Variants in PDSS2 observed in about 807,000 individuals in gnomAD.
PDSS2 encodes the protein decaprenyl diphosphate synthase subunit 2.
PDSS2 carries 31 observed loss-of-function variants against 44.5 expected under a neutral mutation model. That is an observed-to-expected ratio of 0.70 (90% CI 0.52 to 0.94). The LOEUF is 0.94. Ranked by LOEUF, PDSS2 falls within the 40% of genes least tolerant of loss-of-function variation. PDSS2 has a pLI of 0.00. For synonymous variants in PDSS2, 157 were observed against 180.3 expected (o/e 0.87, Z 1.03); for missense variants, 452 against 482.2 (o/e 0.94, Z 0.59).
In PDSS2 at chr6:107,207,989, T is replaced by TTTTTTTG. The variant is rs1562375566; in HGVS notation, c.1008+2449_1008+2450insCAAAAAA. Among the ~76,000 whole-genome samples, 9 of 94,048 alleles carry TTTTTTTG rather than the reference T, an allele frequency of 9.6e-5. No homozygotes were observed. In the East Asian group the frequency reaches 2.4e-3, roughly 25 times the overall value. The allele number at this position is 94,048 out of a possible 152,430, so 61.7% of individuals were successfully genotyped here. ...TCTGTCTATGACTTGTTTTTTTTTT[T>TTTTTTTG]TTTTTTTTTTTTATGAAACAGAGTT... On this transcript the variant is annotated intron_variant, in intron 6 of 7. Transcript: ENST00000369037.
chr6:107,448,331 T>G (rs970356675), intron 1 of PDSS2, among the ~76,000 whole-genome samples: 5 of 152,144 alleles, frequency 3.3e-5, no homozygotes, highest in African/African-American at 1.2e-4. Flanking sequence ...AACTTTTATG[T>G]TCTGTCACCT....
chr6:107,160,825 G>A (rs1771099713), intron 7 of PDSS2, among the ~76,000 whole-genome samples: 1 of 151,830 alleles, frequency 6.6e-6, no homozygotes. Context: ...ACTGCAACCT[G>A]TGCCTCCCAA....
At chr6:107,248,243 A>AGGAGT (rs1445004442) in intron 3 of PDSS2, among the ~76,000 whole-genome samples, 1 of 152,110 alleles carries the variant, frequency 6.6e-6, no homozygotes, top group African/African-American at 2.4e-5. Flanking sequence ...CAGATTCTTG[A>AGGAGT]GGAGTGACAT....
intron 1 of PDSS2, among the ~76,000 whole-genome samples, chr6:107,367,174 A>T (rs561733797): frequency 6.6e-6 from 1 of 152,200 alleles, no homozygotes; most frequent in Non-Finnish European, 1.5e-5. Context: ...AAATCAAGTA[A>T]TGTCAAAGCA....
chr6:107,415,674 C>T (rs570946668), intron 1 of PDSS2, among the ~76,000 whole-genome samples: 2 of 152,294 alleles, frequency 1.3e-5, no homozygotes, highest in South Asian at 2.1e-4. Flanking sequence ...TATCCCTACA[C>T]CTACACCTTA....
At chr6:107,403,061 A>C (rs1484597737) in intron 1 of PDSS2, among the ~76,000 whole-genome samples, 2 of 152,208 alleles carry the variant, frequency 1.3e-5, no homozygotes, top group African/African-American at 4.8e-5. Flanking sequence ...ATCCGAGACA[A>C]GGCAAGTCCC....
Position 107,212,138 on chromosome 6 carries a change from A to G in PDSS2, c.847T>C (p.Tyr283His). 5.0e-6 allele frequency: 8 copies of G among 1,614,132 alleles called. No homozygotes were observed. The highest frequency in any genetic ancestry group is 6.8e-6 in the Non-Finnish European group (8 of 1,179,982). Reference protein sequence around the residue: ...DAEVQNMAFQYGKHMAMSHKI... With the variant: ...DAEVQNMAFQHGKHMAMSHKI... ...TGACTCATGGCCATGTGCTTCCCAT[A>G]CTGAAATGCCATATTCTGAACCTCA... The change falls in exon 5 of 8, where the codon TAT becomes CAT. Residue 283 changes from tyrosine to histidine, a missense_variant. By Grantham distance (83) the Tyr-to-His change is moderately conservative. Coordinates refer to ENST00000369037, the MANE Select transcript of PDSS2 (RefSeq NM_020381.4).
intron 2 of PDSS2, among the ~76,000 whole-genome samples, chr6:107,306,890 G>GTTAAGT (rs1244473494): frequency 2.6e-5 from 4 of 152,124 alleles, no homozygotes; most frequent in East Asian, 1.9e-4. Context: ...TGCAAAAGAC[G>GTTAAGT]TTAAGTTTGC....
intron 3 of PDSS2, among the ~76,000 whole-genome samples, chr6:107,268,177 G>A (rs773460483): frequency 6.6e-6 from 1 of 152,038 alleles, no homozygotes; most frequent in Non-Finnish European, 1.5e-5. Context: ...TTCCCTTACA[G>A]CTAGGTATGG....
chr6:107,396,932 T>C (rs1054712262), intron 1 of PDSS2, among the ~76,000 whole-genome samples: 4 of 152,044 alleles, frequency 2.6e-5, no homozygotes, highest in African/African-American at 9.7e-5. Flanking sequence ...GCTCAAGTGA[T>C]CCTCCCACCT....
chr6:107,165,088 G>C (rs200350704), intron 7 of PDSS2, among the ~76,000 whole-genome samples: 2,849 of 152,106 alleles, frequency 0.019, 88 homozygotes, highest in African/African-American at 0.066. Flanking sequence ...GAGTAGATTG[G>C]AAAAATTTTC....
At chr6:107,176,511 C>G (rs553065716) in intron 7 of PDSS2, among the ~76,000 whole-genome samples, 2 of 152,012 alleles carry the variant, frequency 1.3e-5, no homozygotes, top group African/African-American at 4.8e-5. Flanking sequence ...CCACGTTTAT[C>G]AATTTTACTG....
chr6:107,428,720 C>T (rs1781080332), intron 1 of PDSS2, among the ~76,000 whole-genome samples: 1 of 152,030 alleles, frequency 6.6e-6, no homozygotes, highest in Middle Eastern at 3.4e-3. Flanking sequence ...ACCTATAGTC[C>T]CAGCTACTCC....
chr6:107,358,739 C>T (rs1307559366), intron 1 of PDSS2, among the ~76,000 whole-genome samples: 1 of 152,034 alleles, frequency 6.6e-6, no homozygotes, highest in Non-Finnish European at 1.5e-5. Context: ...GCATTTTGAA[C>T]TGGAACTTTG....
At chr6:107,388,249 T>G (rs1242942963) in intron 1 of PDSS2, among the ~76,000 whole-genome samples, 1 of 152,174 alleles carries the variant, frequency 6.6e-6, no homozygotes, top group Non-Finnish European at 1.5e-5. Context: ...TATTAAAAAT[T>G]ATACCAGGCA....
intron 2 of PDSS2, among the ~76,000 whole-genome samples, chr6:107,277,843 G>A (rs1175580934): frequency 2.0e-5 from 3 of 151,858 alleles, no homozygotes; most frequent in Non-Finnish European, 4.4e-5. Context: ...TAATTTTTGG[G>A]AGCTACTTGG....
chr6:107,454,174 T>G (rs1305565108), intron 1 of PDSS2, among the ~76,000 whole-genome samples: 1 of 151,590 alleles, frequency 6.6e-6, no homozygotes, highest in Non-Finnish European at 1.5e-5. Flanking sequence ...CAGCCTCCCA[T>G]GTAGCTAAGA....
At chr6:107,282,659 A>AT (rs1383289233) in intron 2 of PDSS2, among the ~76,000 whole-genome samples, 1 of 151,122 alleles carries the variant, frequency 6.6e-6, no homozygotes, top group East Asian at 2.0e-4. Context: ...AAGTCAGGAG[A>AT]TTGAGGCCAT....
chr6:107,203,467 T>C (rs987032363), intron 6 of PDSS2, among the ~76,000 whole-genome samples: 2 of 152,116 alleles, frequency 1.3e-5, no homozygotes, highest in African/African-American at 2.4e-5. Flanking sequence ...AACTTCTTAA[T>C]TGATCTCCTT....
Sources: gnomAD v4.1 joint callset for allele counts (sites outside exome capture counted in the v4.1 genomes callset) on GRCh38, gnomAD v4.1.1 for gene constraint, MANE v1.5 for transcripts, NCBI Gene and HGNC (gene_info 2026-07-23, HGNC 2026-07-21) for gene names.